CRPPA: variants seen among roughly 807,000 people sequenced by gnomAD.
CRPPA encodes the protein CDP-L-ribitol pyrophosphorylase A, also known as D-ribitol-5-phosphate cytidylyltransferase.
CRPPA carries 43 observed loss-of-function variants against 52.0 expected under a neutral mutation model. That is an observed-to-expected ratio of 0.83 (90% CI 0.65 to 1.07). The LOEUF (loss-of-function observed/expected upper bound fraction) is 1.07. Among genes scored for constraint, CRPPA ranks in the 50% least tolerant of loss-of-function variants. The probability of loss-of-function intolerance (pLI) is 0.00; values close to 1 mark genes in which losing one functional copy is unlikely to be tolerated. For synonymous variants in CRPPA, 250 were observed against 203.5 expected (o/e 1.23, Z -1.94); for missense variants, 629 against 551.7 (o/e 1.14, Z -1.40).
chr7:16,286,041 AT>A (rs1562608393), intron 5 of CRPPA, among the ~76,000 whole-genome samples: 406 of 12,278 alleles, frequency 0.033, 45 homozygotes, highest in Middle Eastern at 0.056. Flanking sequence ...AAAAAAAAAT[AT>A]AAATATATAT....
At chr7:16,271,238 C>T (rs778994707) in intron 6 of CRPPA, among the ~76,000 whole-genome samples, 7 of 152,060 alleles carry the variant, frequency 4.6e-5, no homozygotes, top group Admixed American at 6.6e-5. Context: ...TCTTTTATTA[C>T]AGGAATGAAT....
intron 8 of CRPPA, among the ~76,000 whole-genome samples, chr7:16,239,309 T>G (rs577015925): frequency 1.5e-4 from 23 of 152,032 alleles, no homozygotes; most frequent in Admixed American, 1.0e-3. Context: ...CTAGATTTGG[T>G]ATCCTTACCA....
chr7:16,260,378 T>C (rs1370439664), intron 6 of CRPPA, among the ~76,000 whole-genome samples: 1 of 152,040 alleles, frequency 6.6e-6, no homozygotes, highest in Non-Finnish European at 1.5e-5. Context: ...GATTTGCCTG[T>C]ATAAGGCCAG....
chr7:16,157,466 T>C (rs1341193619), intron 9 of CRPPA, among the ~76,000 whole-genome samples: 1 of 152,166 alleles, frequency 6.6e-6, no homozygotes, highest in East Asian at 1.9e-4. Context: ...AAAAATAGCT[T>C]TTTTCACTAT....
intron 9 of CRPPA, among the ~76,000 whole-genome samples, chr7:16,150,531 A>C (rs1438391260): frequency 3.3e-5 from 5 of 152,300 alleles, no homozygotes; most frequent in African/African-American, 9.6e-5. Context: ...ATCCCACATC[A>C]AAAATGTGAT....
intron 9 of CRPPA, among the ~76,000 whole-genome samples, chr7:16,150,354 G>A (rs549739997): frequency 1.6e-4 from 25 of 152,130 alleles, no homozygotes; most frequent in Admixed American, 7.2e-4. Context: ...GTCTAATTAA[G>A]AAGAATAGAT....
chr7:16,277,560 T>C (rs1784230550), intron 6 of CRPPA, among the ~76,000 whole-genome samples: 1 of 152,104 alleles, frequency 6.6e-6, no homozygotes, highest in Non-Finnish European at 1.5e-5. Flanking sequence ...TACTTGAAAG[T>C]TGTCATAAAA....
At position 16,397,519 on chromosome 7, in the gene CRPPA, T is replaced by G. The variant is rs114965275; in HGVS notation, c.534+8542A>C. On this transcript the variant is annotated intron_variant, in intron 2 of 9. Transcript: ENST00000407010. ...GACTGACACATAACATGTGAACATG[T>G]GACATGATCAACACAACATGTGATT... is the stretch of plus-strand genomic sequence containing the variant. 1.2e-3 allele frequency among the ~76,000 whole-genome samples: 184 copies of G among 151,746 alleles called. 1 individual carries two copies. The highest frequency in any genetic ancestry group is 4.3e-3 in the African/African-American group (175 of 41,092).
intron 3 of CRPPA, among the ~76,000 whole-genome samples, chr7:16,314,483 A>C (rs1785100662): frequency 6.6e-6 from 1 of 152,052 alleles, no homozygotes; most frequent in South Asian, 2.1e-4. Flanking sequence ...GATTCAGAAA[A>C]ATAAATTTTA....
chr7:16,203,728 T>C (rs1005884558), intron 9 of CRPPA, among the ~76,000 whole-genome samples: 1 of 152,162 alleles, frequency 6.6e-6, no homozygotes, highest in African/African-American at 2.4e-5. Flanking sequence ...CCACTCTGTG[T>C]TGTGTTTCTG....
At chr7:16,286,043 A>ATATATATATATATATAG (rs1207582924) in intron 5 of CRPPA, among the ~76,000 whole-genome samples, 2 of 6,468 alleles carry the variant, frequency 3.1e-4, no homozygotes, top group East Asian at 2.8e-3. Flanking sequence ...AAAAAAATAT[A>ATATATATATATATATAG]AATATATATA....
intron 2 of CRPPA, among the ~76,000 whole-genome samples, chr7:16,400,935 T>G (rs765202334): frequency 2.5e-4 from 38 of 152,150 alleles, no homozygotes; most frequent in Non-Finnish European, 3.1e-4. Context: ...TTATGCCTTG[T>G]CTCCATGGAA....
intron 9 of CRPPA, among the ~76,000 whole-genome samples, chr7:16,179,132 T>G (rs1295141328): frequency 1.3e-5 from 2 of 152,094 alleles, no homozygotes; most frequent in Non-Finnish European, 2.9e-5. Context: ...AATTCAAATA[T>G]GTCCATATAT....
At chr7:16,310,394 T>G (rs1179012452) in intron 3 of CRPPA, among the ~76,000 whole-genome samples, 1 of 152,088 alleles carries the variant, frequency 6.6e-6, no homozygotes, top group East Asian at 1.9e-4. Context: ...ACTCACCAAG[T>G]CTAACCAGTC....
chr7:16,177,938 T>C (rs1333921965), intron 9 of CRPPA, among the ~76,000 whole-genome samples: 2 of 152,224 alleles, frequency 1.3e-5, no homozygotes, highest in East Asian at 1.9e-4. Flanking sequence ...ATTCTATTTC[T>C]ATCTTTCTGT....
intron 9 of CRPPA, among the ~76,000 whole-genome samples, chr7:16,146,461 T>C (rs1233543435): frequency 1.3e-5 from 2 of 152,130 alleles, no homozygotes; most frequent in East Asian, 1.9e-4. Context: ...TAAAGATAAG[T>C]ATATAATCAA....
At position 16,342,781 on chromosome 7, in the gene CRPPA, A is replaced by AT. The variant is rs1489776804; in HGVS notation, c.684+33310_684+33311insA. On this transcript the variant is annotated intron_variant, in intron 3 of 9. Transcript: ENST00000407010. ...GTCTCCACAAAAAAAAAAAAAAAAA[A>AT]AATATATATATATATATCTATATAG... 7.3e-4 allele frequency among the ~76,000 whole-genome samples: 26 copies of AT among 35,644 alleles called. 2 individuals are homozygous for AT. The highest frequency in any genetic ancestry group is 3.0e-3 in the East Asian group (2 of 658). The allele number at this position is 35,644 out of a possible 152,430, so 23.4% of individuals were successfully genotyped here.
intron 8 of CRPPA, among the ~76,000 whole-genome samples, chr7:16,235,155 GGCTATGGTAA>G (rs1389007277): frequency 6.6e-6 from 1 of 151,978 alleles, no homozygotes; most frequent in Non-Finnish European, 1.5e-5. Flanking sequence ...CTCTCACGGT[GGCTATGGTAA>G]GCTCATTTGG....
Position 16,345,872 on chromosome 7 carries a change from C to A in CRPPA, c.684+30220G>T, listed in dbSNP as rs756149943. ...TTGTTCAGGTTTTATCCTCCAGAGT[C>A]CAAATGATTTCCTTTAATTCTTTGC... is the stretch of plus-strand genomic sequence containing the variant. On this transcript the variant is annotated intron_variant, in intron 3 of 9. Transcript: ENST00000407010. Among the ~76,000 whole-genome samples, 103 of 152,108 alleles carry A rather than the reference C, an allele frequency of 6.8e-4. 2 individuals are homozygous for A. The highest frequency in any genetic ancestry group is 2.5e-4 in the Non-Finnish European group (17 of 68,004).
Sources: allele counts gnomAD v4.1 joint callset (sites outside exome capture counted in the v4.1 genomes callset), GRCh38; gene constraint gnomAD v4.1.1; transcripts MANE v1.5; gene names NCBI Gene and HGNC (gene_info 2026-07-23, HGNC 2026-07-21).